Variants in NIPSNAP1 observed in about 807,000 individuals in gnomAD.
NIPSNAP1 encodes the protein protein NipSnap homolog 1.
NIPSNAP1 carries 25 observed loss-of-function variants against 49.2 expected under a neutral mutation model. That is an observed-to-expected ratio of 0.51 (90% CI 0.37 to 0.71). The LOEUF (loss-of-function observed/expected upper bound fraction) is 0.71, where lower values mean the gene tolerates loss of function less well. NIPSNAP1 is among the 30% of genes least tolerant of loss of function. The pLI, the probability that NIPSNAP1 is intolerant of heterozygous loss-of-function variation, is 0.00. For missense variants in NIPSNAP1, 294 were observed against 361.0 expected, an observed-to-expected ratio of 0.81 and a Z score of 1.50; for synonymous variants, 143 against 140.7, an observed-to-expected ratio of 1.02 and a Z score of -0.12.
At chr22:29,569,439 C>T in intron 3 of NIPSNAP1, 152 bp from the exon 4 acceptor site, 1 of 688,320 alleles carries the variant, frequency 1.5e-6, no homozygotes, top group Non-Finnish European at 2.6e-6. Flanking sequence ...CTCAGGACTT[C>T]CGACACTGAA....
intron 9 of NIPSNAP1, among the ~76,000 whole-genome samples, chr22:29,556,963 G>A (rs913788484): frequency 1.3e-5 from 2 of 151,828 alleles, no homozygotes; most frequent in Admixed American, 6.6e-5. Flanking sequence ...TGGTCAGGCT[G>A]GTCTTGAACT....
chr22:29,558,952 G>A lies in NIPSNAP1; in HGVS notation c.708C>T (p.Ala236=). The A allele has an allele frequency of 2.5e-6, 4 of 1,612,256 alleles. No individual in the cohort carries two copies. Among genetic ancestry groups the A allele is most frequent in the Non-Finnish European group, 3.4e-6 (4 of 1,178,822 alleles). ...GELYVVHHLW[A]YKDLQSREET... is the part of the protein sequence containing the mutation. The stretch of plus-strand genomic sequence containing the variant: ...CCTCCCGAGACTGCAGGTCTTTATA[G>A]GCTGTGAGAAAGGCACAGGCTCATT... The change falls in exon 9 of 10, where the codon GCC becomes GCT. Residue 236 remains alanine (A), a splice_region_variant and synonymous_variant. Transcript: ENST00000216121.
At chr22:29,559,880 G>C (rs1449234216) in intron 8 of NIPSNAP1, among the ~76,000 whole-genome samples, 2 of 152,198 alleles carry the variant, frequency 1.3e-5, no homozygotes, top group East Asian at 3.8e-4. Flanking sequence ...ACAGCAGCCA[G>C]AGAAATCATA....
chr22:29,576,165 C>T (rs571188553), intron 1 of NIPSNAP1, among the ~76,000 whole-genome samples: 4 of 150,884 alleles, frequency 2.7e-5, no homozygotes, highest in Non-Finnish European at 4.4e-5. Context: ...ACTACAGGTG[C>T]GTGCTACCAC....
chr22:29,555,638 G>A lies in NIPSNAP1; in HGVS notation c.*297C>T. On this transcript the variant is annotated 3_prime_UTR_variant, in exon 10 of 10. Transcript: ENST00000216121. The stretch of plus-strand genomic sequence containing the variant: ...GTGATAACTGGGGACTGGTGGCCTT[G>A]AGATGAGGAATTTTAGAAGATAAAT... 2 of 395,176 alleles carry A rather than the reference G, an allele frequency of 5.1e-6. No individual in the cohort carries two copies. Among genetic ancestry groups the A allele is most frequent in the Non-Finnish European group, 9.6e-6 (2 of 207,466 alleles). The allele number at this position is 395,176 out of a possible 1,614,324, so 24.5% of individuals were successfully genotyped here.
chr22:29,570,026 A>AG (rs1477488114), intron 3 of NIPSNAP1, 136 bp downstream of exon 3: 6 of 758,498 alleles, frequency 7.9e-6, no homozygotes, highest in Non-Finnish European at 1.4e-5. Flanking sequence ...AAAGAAAGAA[A>AG]AAGGCAGAAA....
intron 1 of NIPSNAP1, 81 bp from the exon 2 acceptor site, chr22:29,570,613 C>T (rs1466829627): frequency 6.5e-7 from 1 of 1,539,854 alleles, no homozygotes; most frequent in Non-Finnish European, 8.8e-7. Context: ...GTCCTGCTCC[C>T]CTAGACCAGT....
chr22:29,566,749 G>A (rs1047232695), intron 4 of NIPSNAP1, among the ~76,000 whole-genome samples: 2 of 152,144 alleles, frequency 1.3e-5, no homozygotes, highest in African/African-American at 4.8e-5. Context: ...ATCTGAGCCC[G>A]GGAGGTCAAG....
chr22:29,558,805 C>T, intron 9 of NIPSNAP1, 65 bp downstream of exon 9: 1 of 1,202,360 alleles, frequency 8.3e-7, no homozygotes, highest in East Asian at 2.3e-5. Flanking sequence ...ACTAGATCTC[C>T]TTGCAGAGAG....
At chr22:29,559,982 G>A (rs13056992) in intron 8 of NIPSNAP1, among the ~76,000 whole-genome samples, 36,599 of 151,898 alleles carry the variant, frequency 0.24, 4,510 homozygotes, top group Non-Finnish European at 0.28. Flanking sequence ...CCCCTCTCCT[G>A]TTCCATCTCC....
At chr22:29,565,364 T>C (rs1236320656) in intron 4 of NIPSNAP1, among the ~76,000 whole-genome samples, 1 of 148,908 alleles carries the variant, frequency 6.7e-6, no homozygotes, top group African/African-American at 2.5e-5. Flanking sequence ...ATACAAAAAT[T>C]AGCCAGGCAT....
intron 4 of NIPSNAP1, among the ~76,000 whole-genome samples, chr22:29,566,254 C>T (rs1364384063): frequency 1.3e-5 from 2 of 151,852 alleles, no homozygotes; most frequent in African/African-American, 4.8e-5. Flanking sequence ...GTTCCTCCCA[C>T]CTCAGCCTCC....
intron 8 of NIPSNAP1, 82 bp from the exon 9 acceptor site, chr22:29,559,035 C>T: frequency 1.0e-6 from 1 of 988,652 alleles, no homozygotes; most frequent in South Asian, 1.3e-5. Context: ...CCCACTGTCC[C>T]CTAAACCCTG....
chr22:29,579,039 G>C (rs1400035531), intron 1 of NIPSNAP1, among the ~76,000 whole-genome samples: 2 of 151,256 alleles, frequency 1.3e-5, no homozygotes, highest in South Asian at 2.1e-4. Context: ...AACACTTACT[G>C]CATGTTCGTC....
chr22:29,580,936 C>G, intron 1 of NIPSNAP1, 49 bp downstream of exon 1: 1 of 1,438,170 alleles, frequency 7.0e-7, no homozygotes, highest in South Asian at 1.3e-5. Flanking sequence ...GGCCCCCGCG[C>G]CTGCACCCCA....
chr22:29,580,480 C>A (rs771941944), intron 1 of NIPSNAP1, among the ~76,000 whole-genome samples: 1 of 152,176 alleles, frequency 6.6e-6, no homozygotes, highest in South Asian at 2.1e-4. Context: ...GGGAGGGTGA[C>A]CTTGGACAAC....
At chr22:29,563,158 C>G (rs898011295) in intron 4 of NIPSNAP1, among the ~76,000 whole-genome samples, 1 of 151,154 alleles carries the variant, frequency 6.6e-6, no homozygotes, top group Non-Finnish European at 1.5e-5. Flanking sequence ...CCCAGTTACT[C>G]GGGAGGCTGA....
At chr22:29,570,577 GC>G in intron 1 of NIPSNAP1, 45 bp from the exon 2 acceptor site, 1 of 1,594,648 alleles carries the variant, frequency 6.3e-7, no homozygotes, top group Non-Finnish European at 8.5e-7. Flanking sequence ...GGTTGGGGGA[GC>G]CCCAGCAATT....
At position 29,555,643 on chromosome 22, in the gene NIPSNAP1, G is replaced by A. The variant is rs899120735; in HGVS notation, c.*292C>T. 11 of 406,010 alleles carry A rather than the reference G, an allele frequency of 2.7e-5. No individual in the cohort carries two copies. The highest frequency in any genetic ancestry group is 4.7e-5 in the Non-Finnish European group (10 of 214,678). The allele number at this position is 406,010 out of a possible 1,614,324, so 25.2% of individuals were successfully genotyped here. Reference sequence around the variant, plus strand: ...AACTGGGGACTGGTGGCCTTGAGATGAGGAATTTTAGAAGATAAATGAAGG... The same window carrying A: ...AACTGGGGACTGGTGGCCTTGAGATAAGGAATTTTAGAAGATAAATGAAGG... On this transcript the variant is annotated 3_prime_UTR_variant, in exon 10 of 10. Coordinates refer to ENST00000216121, the MANE Select transcript of NIPSNAP1 (RefSeq NM_003634.4).
Sources: gnomAD v4.1 joint callset for allele counts (sites outside exome capture counted in the v4.1 genomes callset) on GRCh38, gnomAD v4.1.1 for gene constraint, MANE v1.5 for transcripts, NCBI Gene and HGNC (gene_info 2026-07-23, HGNC 2026-07-21) for gene names.